The following CALN1 variants were observed in gnomAD, a reference collection of about 807,000 sequenced individuals.
The protein encoded by CALN1 is calneuron 1.
CALN1 carries 17 observed loss-of-function variants against 30.6 expected under a neutral mutation model. The observed-to-expected ratio is 0.56, with a 90% CI of 0.38 to 0.83. CALN1 has a LOEUF of 0.83. CALN1 is among the 40% of genes least tolerant of loss of function. CALN1 has a pLI of 0.00. For missense variants in CALN1, 291 were observed against 354.9 expected (o/e 0.82, Z 1.45); for synonymous variants, 156 against 131.4 (o/e 1.19, Z -1.28).
the CALN1 span, among the ~76,000 whole-genome samples, chr7:72,499,887 TTCTTTCTTTCTTTCTTTCTTTCTTTCTA>T: frequency 0.21 from 13,592 of 65,146 alleles, 3,150 homozygotes; most frequent in Non-Finnish European, 0.24. Context: ...CTTTCTTTCT[TTCTTTCTTTCTTTCTTTCTTTCTTTCTA>T]TCTTTCTCTT....
At position 71,853,038 on chromosome 7, in the gene CALN1, G is replaced by C. The variant is rs534627890; in HGVS notation, c.502-42546C>G. On this transcript the variant is annotated intron_variant, in intron 5 of 6. Coordinates refer to ENST00000395275, the MANE Select transcript of CALN1 (RefSeq NM_031468.4). Reference sequence around the variant, plus strand: ...TGTGCCTTGCCTTTTCCTATTCTTAGTGGTTCCTGTTAGAGAGCTGAAGTT... The same window carrying C: ...TGTGCCTTGCCTTTTCCTATTCTTACTGGTTCCTGTTAGAGAGCTGAAGTT... Among the ~76,000 whole-genome samples the C allele has an allele frequency of 2.6e-5, 4 of 151,618 alleles. No homozygotes were observed. The South Asian group carries it at 8.4e-4, about 32-fold the overall frequency.
chr7:71,938,740 A>G (rs921316556), intron 5 of CALN1, among the ~76,000 whole-genome samples: 36 of 152,152 alleles, frequency 2.4e-4, no homozygotes, highest in African/African-American at 8.4e-4. Context: ...GGTTGCAGTG[A>G]GCCGAGATGG....
the CALN1 span, among the ~76,000 whole-genome samples, chr7:72,455,748 T>G: frequency 6.6e-6 from 1 of 152,016 alleles, no homozygotes; most frequent in Non-Finnish European, 1.5e-5. Flanking sequence ...CAGAATGAGC[T>G]CCAAGATTCC....
chr7:72,402,994 G>GA (rs1474090817), intron 2 of CALN1, among the ~76,000 whole-genome samples: 1 of 152,182 alleles, frequency 6.6e-6, no homozygotes, highest in African/African-American at 2.4e-5. Flanking sequence ...TTGTTCACCT[G>GA]AAAACAAGCA....
At chr7:72,068,826 A>G (rs1005824344) in intron 4 of CALN1, among the ~76,000 whole-genome samples, 1 of 152,122 alleles carries the variant, frequency 6.6e-6, no homozygotes, top group Non-Finnish European at 1.5e-5. Context: ...TGGATTAATA[A>G]TACTCACTTA....
Position 72,023,659 on chromosome 7 carries a change from G to A in CALN1, c.499C>T (p.Gln167Ter). The A allele has an allele frequency of 6.2e-7, 1 of 1,611,040 alleles. No homozygotes were observed. Among genetic ancestry groups the A allele is most frequent in the Non-Finnish European group, 8.5e-7 (1 of 1,177,780 alleles). ...LGNTIDSIFW[Q>*]FDMQRITLEE... is the part of the protein sequence containing the mutation. ...TGAAAAAAAATATTCTTACTCACCT[G>A]CCAGAATATGCTGTCTATCGTGTTC... Residue 167 changes from glutamine (Q) to a stop codon, truncating the protein, a stop_gained and splice_region_variant, in exon 5 of 7, where the codon CAG (glutamine) becomes TAG (stop). Transcript: ENST00000395275. LOFTEE classifies it high-confidence loss of function.
At chr7:71,913,500 G>A (rs990136648) in intron 5 of CALN1, among the ~76,000 whole-genome samples, 1 of 152,182 alleles carries the variant, frequency 6.6e-6, no homozygotes, top group South Asian at 2.1e-4. Context: ...AAGAAAGAAG[G>A]ATGTTGGTGG....
intron 3 of CALN1, among the ~76,000 whole-genome samples, chr7:72,176,370 T>C (rs1187103786): frequency 2.0e-5 from 3 of 152,226 alleles, no homozygotes; most frequent in African/African-American, 4.8e-5. Context: ...GTTTGGATGT[T>C]TGTCCCCTTC....
intron 4 of CALN1, among the ~76,000 whole-genome samples, chr7:72,087,799 A>AG (rs1805578821): frequency 1.3e-5 from 2 of 152,224 alleles, no homozygotes; most frequent in Admixed American, 1.3e-4. Context: ...AGATTGAAAT[A>AG]TGTGGAGCAA....
chr7:72,237,916 T>C (rs1001516284), intron 3 of CALN1, among the ~76,000 whole-genome samples: 3 of 152,216 alleles, frequency 2.0e-5, no homozygotes, highest in Non-Finnish European at 4.4e-5. Context: ...TCTTTCTGCC[T>C]GGCACTGTTG....
chr7:72,279,935 A>G (rs940683923), intron 2 of CALN1, among the ~76,000 whole-genome samples: 2 of 152,204 alleles, frequency 1.3e-5, no homozygotes, highest in Admixed American at 6.5e-5. Flanking sequence ...ACATCTTTGT[A>G]TCGGAGCTTC....
intron 3 of CALN1, among the ~76,000 whole-genome samples, chr7:72,269,867 G>C (rs1044239015): frequency 6.6e-6 from 1 of 152,186 alleles, no homozygotes; most frequent in African/African-American, 2.4e-5. Flanking sequence ...GGATGGCCTA[G>C]AGCCTTGATG....
intron 2 of CALN1, among the ~76,000 whole-genome samples, chr7:72,356,989 G>A (rs1241986183): frequency 6.6e-6 from 1 of 151,680 alleles, no homozygotes; most frequent in African/African-American, 2.4e-5. Context: ...TTTAATTCAG[G>A]GCAAGAAGTG....
rs142809714 is a variant in CALN1, at chr7:71,829,667, G to A, written c.502-19175C>T. 2.8e-4 allele frequency among the ~76,000 whole-genome samples: 43 copies of A among 152,336 alleles called. 1 individual carries two copies. Among genetic ancestry groups the A allele is most frequent in the African/African-American group, 1.0e-3 (42 of 41,578 alleles). ...TGCCTGGGTCGGGCCCTGAGGGTAA[G>A]CTGTGAATAGCCTCTAGAGTAAAGT... On this transcript the variant is annotated intron_variant, in intron 5 of 6. Transcript: ENST00000395275.
chr7:71,821,777 A>C lies in CALN1; in HGVS notation c.502-11285T>G, dbSNP rs117803825. Among the ~76,000 whole-genome samples the C allele has an allele frequency of 1.4e-3, 210 of 149,818 alleles. 1 individual carries two copies. Among genetic ancestry groups the C allele is most frequent in the Admixed American group, 2.5e-3 (38 of 14,980 alleles). ...AATTCCTTTGGTGTGAATTCTGCTA[A>C]ATGTTTCTTTCTTTTTTTTTTTTTT... is the stretch of plus-strand genomic sequence containing the variant. On this transcript the variant is annotated intron_variant, in intron 5 of 6. Coordinates refer to ENST00000395275, the MANE Select transcript of CALN1 (RefSeq NM_031468.4).
intron 2 of CALN1, among the ~76,000 whole-genome samples, chr7:72,281,917 T>C (rs1797755108): frequency 6.6e-6 from 1 of 152,112 alleles, no homozygotes; most frequent in Non-Finnish European, 1.5e-5. Flanking sequence ...TCCCACTTGA[T>C]ATACCAACAT....
In CALN1 at chr7:72,334,522, AC is replaced by A. The variant is rs199877727; in HGVS notation, c.120-55713del. Among the ~76,000 whole-genome samples the A allele has an allele frequency of 3.0e-3, 455 of 151,574 alleles. 2 individuals are homozygous for A. Among genetic ancestry groups the A allele is most frequent in the African/African-American group, 0.011 (437 of 41,120 alleles). ...AGTTGTCATCCACCCCTCAACCTGT[AC>A]CCCCCCTCCCCTTACAGAGGAAAGG... On this transcript the variant is annotated intron_variant, in intron 2 of 6. Coordinates refer to ENST00000395275, the MANE Select transcript of CALN1 (RefSeq NM_031468.4).
At chr7:72,308,788 GAAC>G (rs2129556217) in intron 2 of CALN1, among the ~76,000 whole-genome samples, 1 of 152,220 alleles carries the variant, frequency 6.6e-6, no homozygotes, top group Non-Finnish European at 1.5e-5. Flanking sequence ...GGTGGGGGCA[GAAC>G]AATAAAAACT....
intron 5 of CALN1, among the ~76,000 whole-genome samples, chr7:71,921,761 T>C (rs1287198894): frequency 1.3e-5 from 2 of 152,194 alleles, no homozygotes; most frequent in Non-Finnish European, 2.9e-5. Flanking sequence ...ATGTCTAGCC[T>C]GGGACACATA....
Sources: gnomAD v4.1 joint callset for allele counts (sites outside exome capture counted in the v4.1 genomes callset) on GRCh38, gnomAD v4.1.1 for gene constraint, MANE v1.5 for transcripts, NCBI Gene and HGNC (gene_info 2026-07-23, HGNC 2026-07-21) for gene names.